The following ARAP3 variants were observed in gnomAD, a reference collection of about 807,000 sequenced individuals.
ARAP3 encodes the protein ArfGAP with RhoGAP domain, ankyrin repeat and PH domain 3.
ARAP3 carries 82 observed loss-of-function variants against 169.2 expected under a neutral mutation model. The ratio of observed to expected loss-of-function variants is 0.48; its 90% CI spans 0.41 to 0.58. The LOEUF (loss-of-function observed/expected upper bound fraction) is 0.58, where lower values mean the gene tolerates loss of function less well. Ranked by LOEUF, ARAP3 falls within the 20% of genes least tolerant of loss-of-function variation. The pLI, the probability that ARAP3 is intolerant of heterozygous loss-of-function variation, is 0.00. For missense variants in ARAP3, 1,764 were observed against 2,018.0 expected, an observed-to-expected ratio of 0.87 and a Z score of 2.41; for synonymous variants, 791 against 800.3, an observed-to-expected ratio of 0.99 and a Z score of 0.20.
In ARAP3 at chr5:141,673,647, G is replaced by C. The variant is rs181920785; in HGVS notation, c.860C>G (p.Thr287Arg). Reference sequence around the variant, plus strand: ...GTCTAGCCAGCCACTGAGCAGGGGCGTGAGGCGGTCTGCCGTGAAGGAGAA... The same window carrying C: ...GTCTAGCCAGCCACTGAGCAGGGGCCTGAGGCGGTCTGCCGTGAAGGAGAA... ...ASFSFTADRLTPLLSGWLDKL... is the reference protein window; with the variant it reads ...ASFSFTADRLRPLLSGWLDKL... The change falls in exon 5 of 33, where the codon ACG becomes AGG. Residue 287 changes from threonine (T) to arginine (R), a missense_variant. By Grantham distance (71) the Thr-to-Arg change is moderately conservative (BLOSUM62 -1). Around this residue, in one of 3 missense-constraint regions of ARAP3, gnomAD observed 630 missense variants for 678.7 expected, o/e 0.93. Transcript: ENST00000239440. 2.5e-6 allele frequency: 4 copies of C among 1,614,218 alleles called. No individual in the cohort carries two copies. The South Asian group carries it at 4.4e-5, about 18-fold the overall frequency.
chr5:141,656,981 C>T (rs2099909343), intron 25 of ARAP3, 135 bp from the exon 26 acceptor site: 4 of 1,270,920 alleles, frequency 3.1e-6, no homozygotes, highest in African/African-American at 1.5e-5. Flanking sequence ...ATGCCAGGAA[C>T]TGTGCTGGCC....
In ARAP3 at chr5:141,654,141, C is replaced by A; in HGVS notation, c.4444G>T (p.Glu1482Ter). 1 of 1,613,274 alleles carries A rather than the reference C, an allele frequency of 6.2e-7. No homozygotes were observed. The highest frequency in any genetic ancestry group is 8.5e-7 in the Non-Finnish European group (1 of 1,179,498). The change falls in exon 33 of 33, where the codon GAG (glutamate) becomes TAG (stop). Residue 1482 changes from glutamate (E) to a stop codon, truncating the protein, a stop_gained. Coordinates refer to ENST00000239440, the MANE Select transcript of ARAP3 (RefSeq NM_022481.6). LOFTEE classifies it high-confidence loss of function. ...CTGAGCTCCTGGAGCAGCTGTTCCT[C>A]TAGGGACCCCCGTGCCTGGGGACTG... ...KSSPQARGSLEEQLLQELSSL... is the reference protein window; with the variant it reads ...KSSPQARGSL
At position 141,665,036 on chromosome 5, in the gene ARAP3, C is replaced by A; in HGVS notation, c.2686G>T (p.Ala896Ser). ...EGRLDFTAWN[A>S]AIGGAAGGGG... ...CCACCAGCCGCGCCCCCAATGGCTG[C>A]GTTCCATGCCGTGAAGTCCAGCCGG... The change falls in exon 19 of 33, where the codon GCA (alanine) becomes TCA (serine). Residue 896 changes from alanine to serine, a missense_variant. By Grantham distance (99) the Ala-to-Ser change is moderately conservative. Coordinates refer to ENST00000239440, the MANE Select transcript of ARAP3 (RefSeq NM_022481.6). 6.2e-7 allele frequency: 1 copy of A among 1,613,986 alleles called. No individual in the cohort carries two copies. The highest frequency in any genetic ancestry group is 1.1e-5 in the South Asian group (1 of 91,044).
At chr5:141,661,587 G>T in intron 21 of ARAP3, 97 bp downstream of exon 21, 1 of 1,261,898 alleles carries the variant, frequency 7.9e-7, no homozygotes, top group Non-Finnish European at 1.1e-6. Context: ...AACTGTTTGT[G>T]GAATGAACAA....
chr5:141,671,171 G>T lies in ARAP3; in HGVS notation c.1990+94C>A. 6.7e-7 allele frequency: 1 copy of T among 1,492,302 alleles called. No homozygotes were observed. The highest frequency in any genetic ancestry group is 9.0e-7 in the Non-Finnish European group (1 of 1,106,188). 92.4% of individuals were successfully genotyped at this position (1,492,302 alleles called of 1,614,324 possible). ...GGGAAACTGCCCAGGCTGGGCCATT[G>T]TGATCAGCTAATTGGGGCCCCTTGG... is the stretch of plus-strand genomic sequence containing the variant. On this transcript the variant is annotated intron_variant, in intron 13 of 32. Transcript: ENST00000239440. This position sits in a 1 kb window ranked among gnomAD's most constrained non-coding sequence, Gnocchi z 4.9.
In ARAP3 at chr5:141,656,637, C is replaced by T; in HGVS notation, c.3656G>A (p.Gly1219Asp). 1.2e-6 allele frequency: 2 copies of T among 1,613,596 alleles called. No individual in the cohort carries two copies. The highest frequency in any genetic ancestry group is 1.7e-6 in the Non-Finnish European group (2 of 1,179,804). The change falls in exon 27 of 33, where the codon GGT becomes GAT. Residue 1219 changes from glycine (G) to aspartate (D), a missense_variant and splice_region_variant. By Grantham distance (94) the Gly-to-Asp change is moderately conservative. Transcript: ENST00000239440. The part of the protein sequence containing the change: ...PLAQAGCLFT[G>D]IRRESPRVGL... ...CACCCGTGGGCTCTCACGTCGGATA[C>T]CTGGGCATAGATGGGCAATCCTGGG... is the stretch of plus-strand genomic sequence containing the variant.
Position 141,671,991 on chromosome 5 carries a change from G to A in ARAP3, c.1586-11C>T, listed in dbSNP as rs201540774. 1.3e-6 allele frequency: 2 copies of A among 1,585,680 alleles called. No individual in the cohort carries two copies. The highest frequency in any genetic ancestry group is 1.3e-5 in the African/African-American group (1 of 74,772). The stretch of plus-strand genomic sequence containing the variant: ...GGGCCCGGTGCTGACCTGTGAGGGT[G>A]TGAGGGTGTGTGAGGGTGTGTGAGG... On this transcript the variant is annotated splice_polypyrimidine_tract_variant and intron_variant, in intron 10 of 32. Transcript: ENST00000239440. This position sits in a 1 kb window ranked among gnomAD's most constrained non-coding sequence, Gnocchi z 4.9.
intron 21 of ARAP3, 107 bp from the exon 22 acceptor site, chr5:141,660,033 A>G: frequency 7.1e-7 from 1 of 1,403,552 alleles, no homozygotes; most frequent in Non-Finnish European, 9.5e-7. Context: ...CAGCAGTAAG[A>G]TAATATTGGC....
chr5:141,654,241 G>C lies in ARAP3; in HGVS notation c.4344C>G (p.Pro1448=). ...PLTSQKSLDQ[P]FLSKSSTLGQ... ...CAAGGGTGCTTGACTTGGAGAGAAA[G>C]GGTTGATCCAATGACTTCTGGCTGG... is the stretch of plus-strand genomic sequence containing the variant. Residue 1448 remains proline (P), a synonymous_variant, in exon 33 of 33, where the codon CCC becomes CCG. Transcript: ENST00000239440. The C allele has an allele frequency of 6.2e-7, 1 of 1,614,190 alleles. No individual in the cohort carries two copies. Among genetic ancestry groups the C allele is most frequent in the Non-Finnish European group, 8.5e-7 (1 of 1,180,024 alleles).
At position 141,656,587 on chromosome 5, in the gene ARAP3, G is replaced by A. The variant is rs1371033681; in HGVS notation, c.3706C>T (p.Pro1236Ser). ...AAGCGGCTTCCCAGCAAGCGAGGTG[G>A]CTCCTCACGACACCGCAACAGCCCC... ...RVGLLRCREE[P>S]PRLLGSRFQE... Residue 1236 changes from proline to serine, a missense_variant, in exon 27 of 33, where the codon CCA becomes TCA. Pro to Ser is a moderately conservative substitution (Grantham distance 74). Around this residue, in one of 3 missense-constraint regions of ARAP3, gnomAD observed 1,112 missense variants for 1,285.7 expected, o/e 0.86. Transcript: ENST00000239440. 6.2e-7 allele frequency: 1 copy of A among 1,613,026 alleles called. No homozygotes were observed. The highest frequency in any genetic ancestry group is 8.5e-7 in the Non-Finnish European group (1 of 1,179,558).
At chr5:141,677,832 T>G (rs2099912403) in intron 4 of ARAP3, among the ~76,000 whole-genome samples, 1 of 152,172 alleles carries the variant, frequency 6.6e-6, no homozygotes, top group Non-Finnish European at 1.5e-5. Context: ...TTGTCCAGGA[T>G]GGAGGGCAGT....
Position 141,654,161 on chromosome 5 carries a change from G to A in ARAP3, c.4424C>T (p.Pro1475Leu), listed in dbSNP as rs145931062. ...TTCCTCTAGGGACCCCCGTGCCTGGGGACTGCTCTTTGAAGGGGGGCCTGG... is the reference window on the plus strand; with the variant it reads ...TTCCTCTAGGGACCCCCGTGCCTGGAGACTGCTCTTTGAAGGGGGGCCTGG... ...PPPGPPSKSS[P>L]QARGSLEEQL... The change falls in exon 33 of 33, where the codon CCC becomes CTC. Residue 1475 changes from proline (P) to leucine (L), a missense_variant. Physicochemically the swap from Pro to Leu is moderately conservative, Grantham distance 98. Transcript: ENST00000239440. The A allele has an allele frequency of 4.3e-5, 70 of 1,613,664 alleles. No homozygotes were observed. In the African/African-American group the frequency reaches 8.5e-4, roughly 20 times the overall value.
In ARAP3 at chr5:141,671,633, C is replaced by T; in HGVS notation, c.1791G>A (p.Lys597=). ...GCTTCCGGAAGAGACCCAGACGGTACTTTCGGGAGATGAACTCTCCCCGGG... is the reference window on the plus strand; with the variant it reads ...GCTTCCGGAAGAGACCCAGACGGTATTTTCGGGAGATGAACTCTCCCCGGG... The part of the protein sequence containing the change: ...PGPRGEFISR[K]YRLGLFRKPH... Residue 597 remains lysine (K), a synonymous_variant, in exon 12 of 33, where the codon AAG becomes AAA. Transcript: ENST00000239440. The surrounding 1 kb of genome is among the most constrained non-coding windows in gnomAD (Gnocchi z 4.9). 6.2e-7 allele frequency: 1 copy of T among 1,614,096 alleles called. No individual in the cohort carries two copies. The highest frequency in any genetic ancestry group is 8.5e-7 in the Non-Finnish European group (1 of 1,179,978).
In ARAP3 at chr5:141,665,037, G is replaced by A. The variant is rs2099910453; in HGVS notation, c.2685C>T (p.Asn895=). 21 of 1,613,938 alleles carry A rather than the reference G, an allele frequency of 1.3e-5. No homozygotes were observed. Among genetic ancestry groups the A allele is most frequent in the South Asian group, 5.5e-5 (5 of 91,052 alleles). ...GEGRLDFTAW[N]AAIGGAAGGG... is the part of the protein sequence containing the mutation. ...CACCAGCCGCGCCCCCAATGGCTGC[G>A]TTCCATGCCGTGAAGTCCAGCCGGC... The change falls in exon 19 of 33, where the codon AAC becomes AAT. Residue 895 remains asparagine, a synonymous_variant. Coordinates refer to ENST00000239440, the MANE Select transcript of ARAP3 (RefSeq NM_022481.6).
At chr5:141,664,308 C>T (rs1466088837) in intron 19 of ARAP3, among the ~76,000 whole-genome samples, 11 of 151,974 alleles carry the variant, frequency 7.2e-5, no homozygotes, top group African/African-American at 1.9e-4. Context: ...TGCTTGAACC[C>T]GAGAAGCGGA....
At position 141,671,150 on chromosome 5, in the gene ARAP3, A is replaced by C; in HGVS notation, c.1990+115T>G. On this transcript the variant is annotated intron_variant, in intron 13 of 32. Coordinates refer to ENST00000239440, the MANE Select transcript of ARAP3 (RefSeq NM_022481.6). This position sits in a 1 kb window ranked among gnomAD's most constrained non-coding sequence, Gnocchi z 4.9. ...CCCTGGAGGATCTGAGGGTTTGGGA[A>C]ACTGCCCAGGCTGGGCCATTGTGAT... is the stretch of plus-strand genomic sequence containing the variant. The C allele has an allele frequency of 3.6e-6, 5 of 1,399,060 alleles. No individual in the cohort carries two copies. The highest frequency in any genetic ancestry group is 4.9e-6 in the Non-Finnish European group (5 of 1,027,600). The allele number at this position is 1,399,060 out of a possible 1,614,324, so 86.7% of individuals were successfully genotyped here.
intron 4 of ARAP3, among the ~76,000 whole-genome samples, chr5:141,677,950 A>G (rs1346709841): frequency 7.7e-6 from 1 of 129,718 alleles, no homozygotes; most frequent in Admixed American, 7.7e-5. Flanking sequence ...ACCCCCAGCT[A>G]TTTTTTTTTT....
chr5:141,661,837 T>G (rs2099910014), intron 20 of ARAP3, 48 bp from the exon 21 acceptor site: 1 of 1,593,006 alleles, frequency 6.3e-7, no homozygotes, highest in African/African-American at 1.3e-5. Flanking sequence ...GAAGAAAGAG[T>G]GGCAGCTGGT....
In ARAP3 at chr5:141,673,394, C is replaced by A. The variant is rs765398892; in HGVS notation, c.972+7G>T. 1 of 1,613,948 alleles carries A rather than the reference C, an allele frequency of 6.2e-7. No homozygotes were observed. Among genetic ancestry groups the A allele is most frequent in the Non-Finnish European group, 8.5e-7 (1 of 1,179,842 alleles). ...TCTCCATATCGTCACATCTCCCAGC[C>A]CCCCACCTTGTCACTGCCAAAGTAC... On this transcript the variant is annotated splice_region_variant and intron_variant, in intron 6 of 32. Coordinates refer to ENST00000239440, the MANE Select transcript of ARAP3 (RefSeq NM_022481.6).
Sources: gnomAD v4.1 joint callset for allele counts (sites outside exome capture counted in the v4.1 genomes callset) on GRCh38, gnomAD v4.1.1 for gene constraint, gnomAD v4.1.1 regional missense constraint, Gnocchi (gnomAD v3.1) non-coding constraint, MANE v1.5 for transcripts, NCBI Gene and HGNC (gene_info 2026-07-23, HGNC 2026-07-21) for gene names.